DNAI2: variants seen among roughly 807,000 people sequenced by gnomAD.
DNAI2 encodes the protein dynein, axonemal, intermediate polypeptide 2.
DNAI2 carries 63 observed loss-of-function variants against 74.7 expected under a neutral mutation model. That is an observed-to-expected ratio of 0.84 (90% CI 0.69 to 1.04). The LOEUF is 1.04. Among genes scored for constraint, DNAI2 ranks in the 50% least tolerant of loss-of-function variants. The pLI, the probability that DNAI2 is intolerant of heterozygous loss-of-function variation, is 0.00. For synonymous variants in DNAI2, 289 were observed against 314.9 expected (o/e 0.92, Z 0.87); for missense variants, 688 against 803.2 (o/e 0.86, Z 1.73).
chr17:74,290,053 T>C (rs2051994627), intron 5 of DNAI2, among the ~76,000 whole-genome samples: 1 of 152,144 alleles, frequency 6.6e-6, no homozygotes, highest in East Asian at 1.9e-4. Flanking sequence ...CGGTGGCCCA[T>C]GCCTGTAATC....
chr17:74,277,750 C>G (rs370357581), intron 1 of DNAI2, among the ~76,000 whole-genome samples: 2 of 152,200 alleles, frequency 1.3e-5, no homozygotes, highest in Non-Finnish European at 2.9e-5. Flanking sequence ...GTGAAAAACA[C>G]GAATTGCTAG....
chr17:74,281,697 G>A (rs768710986), intron 1 of DNAI2, 110 bp from the exon 2 acceptor site: 1 of 1,094,582 alleles, frequency 9.1e-7, no homozygotes, highest in Non-Finnish European at 1.4e-6. Flanking sequence ...ACCACCCCTT[G>A]CTTCCTGCCC....
In DNAI2 at chr17:74,281,965, G is replaced by C; in HGVS notation, c.148G>C (p.Gly50Arg). Residue 50 changes from glycine to arginine, a missense_variant, in exon 2 of 14, where the codon GGC becomes CGC. Gly to Arg is a moderately radical substitution (Grantham distance 125). Coordinates refer to ENST00000311014, the MANE Select transcript of DNAI2 (RefSeq NM_023036.6). ...CGTGGAGCGGAACCCAGTGGACACG[G>C]GCATCCAGTGCTCGATCAGCATGTC... ...QFVERNPVDT[G>R]IQCSISMSEH... is the part of the protein sequence containing the mutation. The C allele has an allele frequency of 6.2e-7, 1 of 1,614,138 alleles. No individual in the cohort carries two copies. Among genetic ancestry groups the C allele is most frequent in the East Asian group, 2.2e-5 (1 of 44,876 alleles).
chr17:74,281,997 C>T lies in DNAI2; in HGVS notation c.180C>T (p.His60=), dbSNP rs1271704546. 2.5e-6 allele frequency: 4 copies of T among 1,613,942 alleles called. No homozygotes were observed. Among genetic ancestry groups the T allele is most frequent in the East Asian group, 2.2e-5 (1 of 44,872 alleles). ...GIQCSISMSE[H]EANSERFEME... is the part of the protein sequence containing the mutation. ...AGTGCTCGATCAGCATGTCGGAACACGAGGTGGGTCCCTGCCCCAAGGGCC... is the reference window on the plus strand; with the variant it reads ...AGTGCTCGATCAGCATGTCGGAACATGAGGTGGGTCCCTGCCCCAAGGGCC... The change falls in exon 2 of 14, where the codon CAC becomes CAT. Residue 60 remains histidine, a synonymous_variant. Transcript: ENST00000311014.
chr17:74,304,186 CTTTTTTTTT>C (rs56696514), intron 8 of DNAI2, among the ~76,000 whole-genome samples: 7 of 67,652 alleles, frequency 1.0e-4, no homozygotes, highest in Admixed American at 2.0e-4. Flanking sequence ...TTTCTTTTTT[CTTTTTTTTT>C]TTTTTTTTTT....
chr17:74,304,695 G>C (rs1037716778), intron 8 of DNAI2, among the ~76,000 whole-genome samples: 9 of 152,180 alleles, frequency 5.9e-5, no homozygotes, highest in Non-Finnish European at 1.2e-4. Context: ...AGGGGGACGA[G>C]TTACATCACC....
At chr17:74,295,233 T>TAAAAAAAAAAAAAAA (rs57143936) in intron 6 of DNAI2, among the ~76,000 whole-genome samples, 12 of 112,348 alleles carry the variant, frequency 1.1e-4, no homozygotes, top group Admixed American at 5.1e-4. Flanking sequence ...CATCTCTACT[T>TAAAAAAAAAAAAAAA]AAAAAAAAAA....
At chr17:74,287,880 G>A (rs887267126) in intron 4 of DNAI2, among the ~76,000 whole-genome samples, 15 of 151,992 alleles carry the variant, frequency 9.9e-5, no homozygotes, top group Non-Finnish European at 1.6e-4. Flanking sequence ...ACTTGAACCT[G>A]GGAGGCGGAG....
chr17:74,312,642 C>T (rs528766085), intron 12 of DNAI2, among the ~76,000 whole-genome samples: 1 of 152,332 alleles, frequency 6.6e-6, no homozygotes, highest in South Asian at 2.1e-4. Flanking sequence ...GTGTGCACGT[C>T]ATGCTGGCTT....
At chr17:74,307,575 G>A (rs1051626527) in intron 9 of DNAI2, among the ~76,000 whole-genome samples, 8 of 152,012 alleles carry the variant, frequency 5.3e-5, no homozygotes, top group East Asian at 1.9e-4. Flanking sequence ...AGGCCGAGGC[G>A]GGTGGATCAC....
At chr17:74,308,577 AG>A in intron 9 of DNAI2, among the ~76,000 whole-genome samples, 2 of 152,180 alleles carry the variant, frequency 1.3e-5, no homozygotes, top group African/African-American at 4.8e-5. Flanking sequence ...GCTGGAGTAC[AG>A]TGGCACAAAC....
At chr17:74,279,384 C>A (rs1351990334) in intron 1 of DNAI2, among the ~76,000 whole-genome samples, 1 of 152,062 alleles carries the variant, frequency 6.6e-6, no homozygotes, top group Non-Finnish European at 1.5e-5. Context: ...TGGATGGATA[C>A]CCCATTTCCC....
At chr17:74,299,957 T>C in intron 7 of DNAI2, 100 bp downstream of exon 7, 1 of 1,529,026 alleles carries the variant, frequency 6.5e-7, no homozygotes, top group Non-Finnish European at 8.9e-7. Context: ...CTTTAACACA[T>C]TTTATTTTGA....
At chr17:74,309,222 C>G in intron 9 of DNAI2, 31 bp from the exon 10 acceptor site, 1 of 1,613,506 alleles carries the variant, frequency 6.2e-7, no homozygotes, top group East Asian at 2.2e-5. Context: ...GCCTCTGTCC[C>G]TCCAACCATG....
In DNAI2 at chr17:74,300,429, ACT is replaced by A. The variant is rs2052696541; in HGVS notation, c.864+575_864+576del. Among the ~76,000 whole-genome samples, 1 of 151,246 alleles carries A rather than the reference ACT, an allele frequency of 6.6e-6. No individual in the cohort carries two copies. Among genetic ancestry groups the A allele is most frequent in the African/African-American group, 2.4e-5 (1 of 41,030 alleles). On this transcript the variant is annotated intron_variant, in intron 7 of 13. Coordinates refer to ENST00000311014, the MANE Select transcript of DNAI2 (RefSeq NM_023036.6). This position sits in a 1 kb window ranked among gnomAD's most constrained non-coding sequence, Gnocchi z 4.5. The stretch of plus-strand genomic sequence containing the variant: ...AAGGAAACACACCTCTCTCTTCTTT[ACT>A]CTTTCTTTTTGCACACTTCACACAC...
intron 5 of DNAI2, 26 bp downstream of exon 5, chr17:74,289,762 C>A: frequency 6.2e-7 from 1 of 1,613,366 alleles, no homozygotes; most frequent in Non-Finnish European, 8.5e-7. Flanking sequence ...GTCCTGGTGG[C>A]CTGGGAGGGC....
chr17:74,307,032 C>T (rs1268423778), intron 9 of DNAI2, among the ~76,000 whole-genome samples: 1 of 152,356 alleles, frequency 6.6e-6, no homozygotes, highest in East Asian at 1.9e-4. Flanking sequence ...AGGCTTGTGA[C>T]TCAGCCAGTC....
chr17:74,291,737 GA>G (rs1406277599), intron 6 of DNAI2, among the ~76,000 whole-genome samples: 1 of 152,240 alleles, frequency 6.6e-6, no homozygotes, highest in Admixed American at 6.5e-5. Context: ...GGGATGATGA[GA>G]GCGTTGGGGA....
At chr17:74,301,650 G>A (rs1442939473) in intron 8 of DNAI2, among the ~76,000 whole-genome samples, 6 of 151,750 alleles carry the variant, frequency 4.0e-5, no homozygotes, top group African/African-American at 7.3e-5. Flanking sequence ...GCATGGTCTC[G>A]GTGTTCAGTC....
Sources: gnomAD v4.1 joint callset for allele counts (sites outside exome capture counted in the v4.1 genomes callset) on GRCh38, gnomAD v4.1.1 for gene constraint, Gnocchi (gnomAD v3.1) non-coding constraint, MANE v1.5 for transcripts, NCBI Gene and HGNC (gene_info 2026-07-23, HGNC 2026-07-21) for gene names.